Variants in ITGB5 observed in about 807,000 individuals in gnomAD.
ITGB5 encodes the protein integrin beta-5.
In ITGB5, 38 loss-of-function variants were observed where a neutral mutation model predicts 84.8. The ratio of observed to expected loss-of-function variants is 0.45; its 90% CI spans 0.35 to 0.59. The LOEUF is 0.59. ITGB5 is among the 20% of genes least tolerant of loss of function. The pLI, the probability that ITGB5 is intolerant of heterozygous loss-of-function variation, is 0.01. For missense variants in ITGB5, 905 were observed against 1,034.5 expected, an observed-to-expected ratio of 0.87 and a Z score of 1.72; for synonymous variants, 393 against 414.4, an observed-to-expected ratio of 0.95 and a Z score of 0.63.
chr3:124,805,603 T>C (rs111847278), intron 9 of ITGB5, among the ~76,000 whole-genome samples: 2,620 of 152,208 alleles, frequency 0.017, 76 homozygotes, highest in African/African-American at 0.06. Context: ...AGGTGTGCGC[T>C]ACCATGCCCG....
At chr3:124,795,531 C>T (rs1040358414) in intron 10 of ITGB5, among the ~76,000 whole-genome samples, 2 of 151,874 alleles carry the variant, frequency 1.3e-5, no homozygotes, top group African/African-American at 2.4e-5. Flanking sequence ...AAATAAGAGC[C>T]CCCAGAGATG....
At chr3:124,775,394 G>A (rs930946283) in intron 10 of ITGB5, among the ~76,000 whole-genome samples, 4 of 152,088 alleles carry the variant, frequency 2.6e-5, no homozygotes, top group African/African-American at 4.8e-5. Flanking sequence ...TGGAGTGTGT[G>A]TGTGAGGGTG....
chr3:124,764,327 C>G (rs769575158), intron 14 of ITGB5, 64 bp downstream of exon 14: 2 of 1,527,856 alleles, frequency 1.3e-6, no homozygotes, highest in African/African-American at 1.4e-5. Flanking sequence ...GCTAACATAC[C>G]GCTGAACTCA....
intron 11 of ITGB5, among the ~76,000 whole-genome samples, chr3:124,771,342 A>T (rs2063840805): frequency 6.6e-6 from 1 of 152,190 alleles, no homozygotes; most frequent in African/African-American, 2.4e-5. Context: ...AGCAAGTAGA[A>T]AAAACAGACT....
chr3:124,827,770 C>A (rs188317456), intron 5 of ITGB5, among the ~76,000 whole-genome samples: 88 of 152,310 alleles, frequency 5.8e-4, no homozygotes, highest in African/African-American at 2.1e-3. Flanking sequence ...CCTGTTCCTG[C>A]CTGAACTGAT....
intron 10 of ITGB5, among the ~76,000 whole-genome samples, chr3:124,776,299 C>T (rs556832110): frequency 2.0e-5 from 3 of 152,316 alleles, no homozygotes; most frequent in South Asian, 2.1e-4. Context: ...GAACTCCCCA[C>T]GGGGAGCCTT....
At chr3:124,886,028 G>A (rs1934787265) in intron 1 of ITGB5, among the ~76,000 whole-genome samples, 1 of 152,162 alleles carries the variant, frequency 6.6e-6, no homozygotes, top group Non-Finnish European at 1.5e-5. Context: ...TCCCAAACAA[G>A]TGCATCCTTC....
chr3:124,821,556 G>C, intron 5 of ITGB5, 82 bp from the exon 6 acceptor site: 4 of 1,470,220 alleles, frequency 2.7e-6, no homozygotes, highest in Non-Finnish European at 3.7e-6. Flanking sequence ...CCCCTCTCCA[G>C]GAGTCACGGC....
At chr3:124,871,806 A>G (rs1488635411) in intron 2 of ITGB5, among the ~76,000 whole-genome samples, 1 of 152,040 alleles carries the variant, frequency 6.6e-6, no homozygotes, top group East Asian at 1.9e-4. Context: ...AGCCTGGGTG[A>G]CAGAGCAAGA....
intron 11 of ITGB5, among the ~76,000 whole-genome samples, chr3:124,770,594 C>G (rs910231151): frequency 1.3e-5 from 2 of 152,164 alleles, no homozygotes; most frequent in Non-Finnish European, 2.9e-5. Context: ...GCTCTGAGAC[C>G]ATTTCACTAA....
At chr3:124,781,129 G>C (rs1417034637) in intron 10 of ITGB5, 1 of 152,216 alleles carries the variant, frequency 6.6e-6, no homozygotes, top group African/African-American at 2.4e-5. Context: ...GGAGAGCTCG[G>C]TGACAGACCT....
intron 9 of ITGB5, among the ~76,000 whole-genome samples, chr3:124,799,839 C>T (rs954184741): frequency 1.9e-4 from 29 of 152,140 alleles, no homozygotes; most frequent in Admixed American, 7.2e-4. Flanking sequence ...CATCGGGGTG[C>T]GCAGGGAGAG....
intron 3 of ITGB5, among the ~76,000 whole-genome samples, chr3:124,850,952 C>T (rs1254411596): frequency 6.6e-6 from 1 of 152,218 alleles, no homozygotes; most frequent in African/African-American, 2.4e-5. Context: ...ATGGACAGAG[C>T]CTGCAATCCT....
chr3:124,793,904 C>T (rs1368967274), intron 10 of ITGB5, among the ~76,000 whole-genome samples: 3 of 152,254 alleles, frequency 2.0e-5, no homozygotes, highest in Non-Finnish European at 2.9e-5. Context: ...TCCCACGACG[C>T]CCATGGGTGT....
intron 3 of ITGB5, among the ~76,000 whole-genome samples, chr3:124,848,872 C>A (rs1447860660): frequency 2.0e-5 from 3 of 152,072 alleles, no homozygotes; most frequent in Non-Finnish European, 4.4e-5. Flanking sequence ...CTCTGCCTAC[C>A]AGGTTCAAGC....
intron 1 of ITGB5, among the ~76,000 whole-genome samples, chr3:124,883,505 T>C (rs932101343): frequency 1.9e-4 from 29 of 152,294 alleles, no homozygotes; most frequent in Admixed American, 1.6e-3. Flanking sequence ...CTGTCAGCTC[T>C]AAACCTGTGC....
chr3:124,873,531 C>T lies in ITGB5; in HGVS notation c.71G>A (p.Gly24Asp), dbSNP rs776086250. The part of the protein sequence containing the change: ...GLCALLPRLA[G>D]LNICTSGSAT... ...ACTTCCACTAGTGCATATGTTGAGA[C>T]CTTTAAAGCAAGATAAAGATGCACT... Residue 24 changes from glycine (G) to aspartate (D), a missense_variant and splice_region_variant, in exon 2 of 15, where the codon GGT (glycine) becomes GAT (aspartate). Gly to Asp is a moderately conservative substitution (Grantham distance 94). Coordinates refer to ENST00000296181, the MANE Select transcript of ITGB5 (RefSeq NM_002213.5). The T allele has an allele frequency of 3.1e-6, 5 of 1,610,308 alleles. No individual in the cohort carries two copies. The South Asian group carries it at 4.4e-5, about 14-fold the overall frequency.
At chr3:124,820,353 C>T (rs754741436) in intron 6 of ITGB5, among the ~76,000 whole-genome samples, 13 of 152,232 alleles carry the variant, frequency 8.5e-5, no homozygotes, top group East Asian at 1.9e-4. Context: ...AGGAGGGTGC[C>T]GAGCTCTGGA....
chr3:124,858,689 C>T (rs780120502), intron 3 of ITGB5, among the ~76,000 whole-genome samples: 1 of 152,166 alleles, frequency 6.6e-6, no homozygotes, highest in Non-Finnish European at 1.5e-5. Context: ...CTGGACTAGT[C>T]AAGTTCAGAG....
Sources: gnomAD v4.1 joint callset for allele counts (sites outside exome capture counted in the v4.1 genomes callset) on GRCh38, gnomAD v4.1.1 for gene constraint, MANE v1.5 for transcripts, NCBI Gene and HGNC (gene_info 2026-07-23, HGNC 2026-07-21) for gene names.